Variants in LRRC4C observed in about 807,000 individuals in gnomAD.
LRRC4C encodes the protein leucine-rich repeat-containing protein 4C.
LRRC4C carries 5 observed loss-of-function variants against 33.6 expected under a neutral mutation model. The ratio of observed to expected loss-of-function variants is 0.15; its 90% CI spans 0.08 to 0.31. LRRC4C has a LOEUF of 0.31. Among genes scored for constraint, LRRC4C ranks in the 10% least tolerant of loss-of-function variants. The pLI, the probability that LRRC4C is intolerant of heterozygous loss-of-function variation, is 1.00. For synonymous variants in LRRC4C, 329 were observed against 302.0 expected (o/e 1.09, Z -0.93); for missense variants, 560 against 796.7 (o/e 0.70, Z 3.58).
intron 1 of LRRC4C, among the ~76,000 whole-genome samples, chr11:41,433,975 C>T (rs994090618): frequency 1.3e-5 from 2 of 151,948 alleles, no homozygotes; most frequent in African/African-American, 2.4e-5. Flanking sequence ...AAGGCAAACC[C>T]GATTCAAGCA....
intron 1 of LRRC4C, among the ~76,000 whole-genome samples, chr11:41,340,272 A>C (rs187063226): frequency 5.6e-4 from 86 of 152,294 alleles, no homozygotes; most frequent in South Asian, 3.1e-3. Flanking sequence ...TACATAAAGA[A>C]ATAGGATTGC....
At chr11:40,909,750 C>T (rs1056973259) in intron 2 of LRRC4C, among the ~76,000 whole-genome samples, 1 of 152,044 alleles carries the variant, frequency 6.6e-6, no homozygotes, top group Non-Finnish European at 1.5e-5. Context: ...TTACAAAGGG[C>T]AGTTTACTTA....
chr11:40,172,532 T>C (rs539070367), intron 5 of LRRC4C, among the ~76,000 whole-genome samples: 1 of 152,226 alleles, frequency 6.6e-6, no homozygotes, highest in South Asian at 2.1e-4. Flanking sequence ...ATAATTTTTA[T>C]GCTCCCTTTT....
chr11:41,307,272 CA>C (rs1038370029), intron 1 of LRRC4C, among the ~76,000 whole-genome samples: 17 of 146,962 alleles, frequency 1.2e-4, no homozygotes, highest in East Asian at 5.9e-4. Flanking sequence ...GTTTCTATTT[CA>C]AAAAAAAAAG....
chr11:41,361,499 A>T (rs1300653524), intron 1 of LRRC4C, among the ~76,000 whole-genome samples: 1 of 152,182 alleles, frequency 6.6e-6, no homozygotes, highest in Admixed American at 6.5e-5. Flanking sequence ...ATCTAACATA[A>T]CATTTCCTTC....
chr11:40,987,681 T>TATATG lies in LRRC4C; in HGVS notation c.-495-53959_-495-53958insCATAT, dbSNP rs1565274740. ...ATATATATGAGATATAAATGATATA[T>TATATG]ATATATATATCTCATATATATGAGA... On this transcript the variant is annotated intron_variant, in intron 1 of 6. Transcript: ENST00000528697. Among the ~76,000 whole-genome samples, 103 of 74,624 alleles carry TATATG rather than the reference T, an allele frequency of 1.4e-3. 5 individuals carry two copies. Among genetic ancestry groups the TATATG allele is most frequent in the African/African-American group, 2.9e-3 (48 of 16,530 alleles). 49.0% of individuals were successfully genotyped at this position (74,624 alleles called of 152,430 possible).
intron 1 of LRRC4C, among the ~76,000 whole-genome samples, chr11:41,402,345 A>G (rs942190230): frequency 6.6e-6 from 1 of 152,046 alleles, no homozygotes; most frequent in Non-Finnish European, 1.5e-5. Context: ...GAAAAATAAA[A>G]TGAGAATACA....
chr11:41,308,983 T>C (rs1465849171), intron 1 of LRRC4C, among the ~76,000 whole-genome samples: 1 of 152,008 alleles, frequency 6.6e-6, no homozygotes, highest in African/African-American at 2.4e-5. Context: ...TTTGTATTTG[T>C]AGTAGAGATG....
chr11:40,709,507 T>C (rs529052688), intron 2 of LRRC4C, among the ~76,000 whole-genome samples: 1 of 152,280 alleles, frequency 6.6e-6, no homozygotes, highest in Non-Finnish European at 1.5e-5. Flanking sequence ...GAAAATTCTT[T>C]TCTTTAAGAA....
rs7114638 is a variant in LRRC4C at position 40,231,825 on chromosome 11, C to T, written c.-96+9694G>A. 7.2e-3 allele frequency among the ~76,000 whole-genome samples: 1,091 copies of T among 152,272 alleles called. 13 individuals carry two copies. Among genetic ancestry groups the T allele is most frequent in the African/African-American group, 0.024 (1,009 of 41,542 alleles). ...TATTTGCATGCACAGATATAGCTAA[C>T]TTTCTCCTTATTTAAACACTGAAAG... On this transcript the variant is annotated intron_variant, in intron 5 of 6. Coordinates refer to ENST00000528697, the MANE Select transcript of LRRC4C (RefSeq NM_001258419.2).
intron 4 of LRRC4C, among the ~76,000 whole-genome samples, chr11:40,314,647 C>G (rs1053499319): frequency 1.9e-4 from 29 of 152,074 alleles, no homozygotes; most frequent in African/African-American, 7.0e-4. Context: ...GGATTCAACT[C>G]AGGTGTCCAA....
intron 3 of LRRC4C, among the ~76,000 whole-genome samples, chr11:40,560,133 T>G (rs992700728): frequency 6.6e-6 from 1 of 152,186 alleles, no homozygotes; most frequent in Non-Finnish European, 1.5e-5. Flanking sequence ...GACCTGTTCT[T>G]GGAATATTCT....
At chr11:40,947,747 C>A (rs1958470614) in intron 1 of LRRC4C, among the ~76,000 whole-genome samples, 1 of 151,972 alleles carries the variant, frequency 6.6e-6, no homozygotes, top group African/African-American at 2.4e-5. Context: ...GCAGCTCTCC[C>A]CTCTCTGATA....
intron 3 of LRRC4C, among the ~76,000 whole-genome samples, chr11:40,591,738 T>G (rs1260924191): frequency 2.0e-5 from 3 of 152,220 alleles, no homozygotes; most frequent in African/African-American, 7.2e-5. Flanking sequence ...TTAGTGACCT[T>G]AACCTTGCTG....
chr11:40,473,232 C>A (rs1448325373), intron 3 of LRRC4C, among the ~76,000 whole-genome samples: 4 of 152,158 alleles, frequency 2.6e-5, no homozygotes, highest in African/African-American at 7.2e-5. Context: ...AATGCAGCAG[C>A]ACATCAAAAA....
intron 3 of LRRC4C, among the ~76,000 whole-genome samples, chr11:40,588,784 G>T (rs1391062660): frequency 6.6e-6 from 1 of 152,198 alleles, no homozygotes; most frequent in Non-Finnish European, 1.5e-5. Context: ...TAGTTGAGCA[G>T]TTTTGAGTGA....
At chr11:40,415,392 G>T (rs71484105) in intron 3 of LRRC4C, among the ~76,000 whole-genome samples, 2,859 of 152,238 alleles carry the variant, frequency 0.019, 41 homozygotes, top group Middle Eastern at 0.051. Flanking sequence ...AATGGAACAC[G>T]TGCATGGGGA....
intron 1 of LRRC4C, among the ~76,000 whole-genome samples, chr11:41,075,060 T>TTTTTTTAATGTTTTTTTTTTTTTTA (rs1555064937): frequency 1.2e-5 from 1 of 80,600 alleles, no homozygotes; most frequent in Non-Finnish European, 2.3e-5. Context: ...TTTTTTTTTT[T>TTTTTTTAATGTTTTTTTTTTTTTTA]TTATTATACT....
chr11:40,526,152 G>T (rs571489472), intron 3 of LRRC4C, among the ~76,000 whole-genome samples: 2 of 151,554 alleles, frequency 1.3e-5, no homozygotes, highest in African/African-American at 4.8e-5. Flanking sequence ...GAAAACAAAA[G>T]ATTATCTTAT....
Sources: gnomAD v4.1 joint callset for allele counts (sites outside exome capture counted in the v4.1 genomes callset) on GRCh38, gnomAD v4.1.1 for gene constraint, MANE v1.5 for transcripts, NCBI Gene and HGNC (gene_info 2026-07-23, HGNC 2026-07-21) for gene names.